AHNAK: variants seen among roughly 807,000 people sequenced by gnomAD.
The protein encoded by AHNAK is AHNAK nucleoprotein.
AHNAK carries 23 observed loss-of-function variants against 37.8 expected under a neutral mutation model. The ratio of observed to expected loss-of-function variants is 0.61; its 90% CI spans 0.44 to 0.86. The LOEUF (loss-of-function observed/expected upper bound fraction) is 0.86. Among genes scored for constraint, AHNAK ranks in the 40% least tolerant of loss-of-function variants. The probability of loss-of-function intolerance (pLI) is 0.00; values close to 1 mark genes in which losing one functional copy is unlikely to be tolerated. For synonymous variants in AHNAK, 2,481 were observed against 2,636.3 expected (o/e 0.94, Z 1.80); for missense variants, 7,411 against 7,319.4 (o/e 1.01, Z -0.46).
At chr11:62,506,721 T>G (rs1479280057) in intron 4 of AHNAK, among the ~76,000 whole-genome samples, 1 of 152,096 alleles carries the variant, frequency 6.6e-6, no homozygotes, top group African/African-American at 2.4e-5. Context: ...TCGTTACAAT[T>G]CAGATGATTT....
intron 5 of AHNAK, among the ~76,000 whole-genome samples, chr11:62,456,551 T>C (rs1938662457): frequency 6.6e-6 from 1 of 152,138 alleles, no homozygotes; most frequent in Non-Finnish European, 1.5e-5. Context: ...CTGGGTTGGC[T>C]CTCAGACCAG....
chr11:62,522,969 G>A lies in AHNAK; in HGVS notation c.11448C>T (p.Gly3816=). ...KVKMPKFSMP[G]FKGEGPDVDV... ...CCACATCTGGGCCCTCTCCTTTGAAGCCAGGCATGCTGAACTTGGGCATTT... is the reference window on the plus strand; with the variant it reads ...CCACATCTGGGCCCTCTCCTTTGAAACCAGGCATGCTGAACTTGGGCATTT... Residue 3816 remains glycine (G), a synonymous_variant, in exon 5 of 5, where the codon GGC becomes GGT. Coordinates refer to ENST00000378024, the MANE Select transcript of AHNAK (RefSeq NM_001620.3). 1 of 1,613,232 alleles carries A rather than the reference G, an allele frequency of 6.2e-7. No individual in the cohort carries two copies.
intron 4 of AHNAK, among the ~76,000 whole-genome samples, chr11:62,492,300 G>C (rs969378542): frequency 1.3e-5 from 2 of 152,120 alleles, no homozygotes; most frequent in Non-Finnish European, 2.9e-5. Flanking sequence ...TGGATACTGC[G>C]GGGCAGGGGT....
chr11:62,524,976 G>T lies in AHNAK; in HGVS notation c.9441C>A (p.His3147Gln). The change falls in exon 5 of 5, where the codon CAC (histidine) becomes CAA (glutamine). Residue 3147 changes from histidine to glutamine, a missense_variant. Physicochemically the swap from His to Gln is conservative, Grantham distance 24. Coordinates refer to ENST00000378024, the MANE Select transcript of AHNAK (RefSeq NM_001620.3). ...GCATTTTTATTTTAGGCATCTTCAG[G>T]TGCCAGTCTGGGCCTTGAACATCCA... ...PDVDVQGPDWHLKMPKIKMPK... is the reference protein window; with the variant it reads ...PDVDVQGPDWQLKMPKIKMPK... 1 of 1,613,548 alleles carries T rather than the reference G, an allele frequency of 6.2e-7. No homozygotes were observed. The highest frequency in any genetic ancestry group is 8.5e-7 in the Non-Finnish European group (1 of 1,179,916).
At chr11:62,471,029 C>T (rs575232829) in intron 5 of AHNAK, among the ~76,000 whole-genome samples, 43 of 152,200 alleles carry the variant, frequency 2.8e-4, no homozygotes, top group African/African-American at 9.4e-4. Flanking sequence ...TATACCAATA[C>T]GAAAGAAGGC....
In AHNAK at chr11:62,530,973, C is replaced by T; in HGVS notation, c.3444G>A (p.Val1148=). The T allele has an allele frequency of 6.2e-7, 1 of 1,614,144 alleles. No individual in the cohort carries two copies. The highest frequency in any genetic ancestry group is 8.5e-7 in the Non-Finnish European group (1 of 1,180,036). The stretch of plus-strand genomic sequence containing the variant: ...CAACAACGTCAGCCTTAGGCAAGTT[C>T]ACATCCACTTCTGGGCCCTCGCCTT... ...SLKGEGPEVD[V]NLPKADVVVS... Residue 1148 remains valine (V), a synonymous_variant, in exon 5 of 5, where the codon GTG becomes GTA. Coordinates refer to ENST00000378024, the MANE Select transcript of AHNAK (RefSeq NM_001620.3).
chr11:62,523,129 A>T lies in AHNAK; in HGVS notation c.11288T>A (p.Val3763Glu), dbSNP rs1017081928. 5.0e-6 allele frequency: 8 copies of T among 1,613,918 alleles called. No individual in the cohort carries two copies. Among genetic ancestry groups the T allele is most frequent in the Non-Finnish European group, 6.8e-6 (8 of 1,180,004 alleles). The part of the protein sequence containing the change: ...NLKGPKVKGD[V>E]DVSLPKMEGD... ...TTCCATTTTGGGCAGAGAAACATCC[A>T]CATCGCCCTTGACTTTGGGGCCCTT... The change falls in exon 5 of 5, where the codon GTG (valine) becomes GAG (glutamate). Residue 3763 changes from valine (V) to glutamate (E), a missense_variant. Transcript: ENST00000378024.
At chr11:62,506,785 G>A (rs1939820448) in intron 4 of AHNAK, among the ~76,000 whole-genome samples, 1 of 152,160 alleles carries the variant, frequency 6.6e-6, no homozygotes, top group African/African-American at 2.4e-5. Flanking sequence ...AGACTCAGGA[G>A]AGGAAGGACC....
chr11:62,530,145 A>C lies in AHNAK; in HGVS notation c.4272T>G (p.Asp1424Glu). The change falls in exon 5 of 5, where the codon GAT becomes GAG. Residue 1424 changes from aspartate to glutamate, a missense_variant. Physicochemically the swap from Asp to Glu is conservative, Grantham distance 45. Coordinates refer to ENST00000378024, the MANE Select transcript of AHNAK (RefSeq NM_001620.3). ...SGPKMDAEVPDVNIEGPDAKL... is the reference protein window; with the variant it reads ...SGPKMDAEVPEVNIEGPDAKL... ...TTGCGTCTGGACCTTCAATATTCACATCTGGAACTTCAGCATCCATTTTGG... is the reference window on the plus strand; with the variant it reads ...TTGCGTCTGGACCTTCAATATTCACCTCTGGAACTTCAGCATCCATTTTGG... 1 of 1,613,986 alleles carries C rather than the reference A, an allele frequency of 6.2e-7. No homozygotes were observed. The highest frequency in any genetic ancestry group is 8.5e-7 in the Non-Finnish European group (1 of 1,180,014).
intron 4 of AHNAK, among the ~76,000 whole-genome samples, chr11:62,509,695 T>C (rs1403964968): frequency 6.6e-6 from 1 of 152,018 alleles, no homozygotes; most frequent in Non-Finnish European, 1.5e-5. Flanking sequence ...GGCAGGCAGG[T>C]CCCTTGAGGC....
chr11:62,518,690 T>G lies in AHNAK; in HGVS notation c.15727A>C (p.Ile5243Leu), dbSNP rs1338353232. The G allele has an allele frequency of 6.2e-7, 1 of 1,614,092 alleles. No individual in the cohort carries two copies. The highest frequency in any genetic ancestry group is 8.5e-7 in the Non-Finnish European group (1 of 1,180,034). The stretch of plus-strand genomic sequence containing the variant: ...CCACCCTCCATTTTCACACCTGGGA[T>G]GCCGATCTTGGGCATGGAAAACTTG... Reference protein sequence around the residue: ...FPKFSMPKIGIPGVKMEGGGA... With the variant: ...FPKFSMPKIGLPGVKMEGGGA... The change falls in exon 5 of 5, where the codon ATC becomes CTC. Residue 5243 changes from isoleucine to leucine, a missense_variant. Physicochemically the swap from Ile to Leu is conservative, Grantham distance 5 (BLOSUM62 2). Coordinates refer to ENST00000378024, the MANE Select transcript of AHNAK (RefSeq NM_001620.3).
At chr11:62,482,930 C>T (rs1008636417) in intron 5 of AHNAK, among the ~76,000 whole-genome samples, 2 of 152,092 alleles carry the variant, frequency 1.3e-5, no homozygotes, top group African/African-American at 4.8e-5. Context: ...TAATTTAACC[C>T]TTAAGAGGCC....
chr11:62,497,960 A>G (rs1939640486), intron 4 of AHNAK, among the ~76,000 whole-genome samples: 2 of 151,450 alleles, frequency 1.3e-5, no homozygotes, highest in African/African-American at 4.9e-5. Context: ...GGGAGACTTC[A>G]TCTCAAAAAA....
chr11:62,447,500 G>C lies in AHNAK; in HGVS notation c.443-13609C>G, dbSNP rs568507997. On this transcript the variant is annotated intron_variant, in intron 5 of 5. Transcript: ENST00000257247. Reference sequence around the variant, plus strand: ...ATCATGTGAGGATGTAATGCCCAAGGCTAGGAGAAAGGCAAGAGGGCCTCG... The same window carrying C: ...ATCATGTGAGGATGTAATGCCCAAGCCTAGGAGAAAGGCAAGAGGGCCTCG... 1.5e-3 allele frequency among the ~76,000 whole-genome samples: 234 copies of C among 152,282 alleles called. 1 individual carries two copies. The Middle Eastern group carries it at 0.027, about 18-fold the overall frequency.
At chr11:62,506,904 A>C (rs1366541006) in intron 4 of AHNAK, among the ~76,000 whole-genome samples, 1 of 152,080 alleles carries the variant, frequency 6.6e-6, no homozygotes, top group Non-Finnish European at 1.5e-5. Context: ...AAATGGGTGT[A>C]TGTCCCAGTT....
chr11:62,503,657 C>T (rs1366702458), intron 4 of AHNAK, among the ~76,000 whole-genome samples: 1 of 151,950 alleles, frequency 6.6e-6, no homozygotes, highest in Admixed American at 6.6e-5. Context: ...CCTGGGTTGC[C>T]GGCAAGGTCT....
chr11:62,532,586 C>T lies in AHNAK; in HGVS notation c.1831G>A (p.Asp611Asn). 2 of 1,614,194 alleles carry T rather than the reference C, an allele frequency of 1.2e-6. No individual in the cohort carries two copies. The highest frequency in any genetic ancestry group is 1.7e-6 in the Non-Finnish European group (2 of 1,180,040). ...PEVDVRGPKV[D>N]VSAPDVEAHG... The stretch of plus-strand genomic sequence containing the variant: ...GCTTCGACATCTGGGGCACTGACAT[C>T]CACTTTGGGGCCTCTGACATCAACT... The change falls in exon 5 of 5, where the codon GAT (aspartate) becomes AAT (asparagine). Residue 611 changes from aspartate to asparagine, a missense_variant. Asp to Asn is a conservative substitution (Grantham distance 23). Transcript: ENST00000378024.
At position 62,531,178 on chromosome 11, in the gene AHNAK, T is replaced by G; in HGVS notation, c.3239A>C (p.Lys1080Thr). The G allele has an allele frequency of 1.9e-6, 3 of 1,614,122 alleles. No homozygotes were observed. Among genetic ancestry groups the G allele is most frequent in the Non-Finnish European group, 2.5e-6 (3 of 1,180,022 alleles). The change falls in exon 5 of 5, where the codon AAA becomes ACA. Residue 1080 changes from lysine to threonine, a missense_variant. Physicochemically the swap from Lys to Thr is moderately conservative, Grantham distance 78. Transcript: ENST00000378024. ...PDVDLDLKGP[K>T]MKGNVDISAP... is the part of the protein sequence containing the mutation. ...AGAGATATCTACATTTCCTTTCATT[T>G]TGGGTCCTTTAAGATCCAGGTCAAC...
chr11:62,492,392 G>T (rs976312223), intron 4 of AHNAK, among the ~76,000 whole-genome samples: 1 of 152,144 alleles, frequency 6.6e-6, no homozygotes, highest in African/African-American at 2.4e-5. Context: ...TACCATCTGT[G>T]GGGAAGGGGA....
Sources: gnomAD v4.1 joint callset for allele counts (sites outside exome capture counted in the v4.1 genomes callset) on GRCh38, gnomAD v4.1.1 for gene constraint, MANE v1.5 for transcripts, NCBI Gene and HGNC (gene_info 2026-07-23, HGNC 2026-07-21) for gene names.